The following CSMD1 variants were observed in gnomAD, a reference collection of about 807,000 sequenced individuals.
CSMD1 encodes the protein CUB and sushi domain-containing protein 1.
Under a neutral mutation model 417.5 loss-of-function variants are expected in CSMD1, and 213 were observed. The observed-to-expected ratio is 0.51, with a 90% confidence interval of 0.46 to 0.57. The LOEUF (loss-of-function observed/expected upper bound fraction) is 0.57. Among genes scored for constraint, CSMD1 ranks in the 20% least tolerant of loss-of-function variants. The probability of loss-of-function intolerance (pLI) is 0.00; values close to 1 mark genes in which losing one functional copy is unlikely to be tolerated. For missense variants in CSMD1, 6,923 were observed against 4,529.7 expected (o/e 1.53, Z -15.17); for synonymous variants, 2,862 against 1,736.8 (o/e 1.65, Z -16.11).
At chr8:3,723,019 T>A (rs750993374) in intron 6 of CSMD1, among the ~76,000 whole-genome samples, 1 of 152,202 alleles carries the variant, frequency 6.6e-6, no homozygotes, top group Non-Finnish European at 1.5e-5. Flanking sequence ...AGCTGGGCCC[T>A]CTGAGCTGGG....
At chr8:4,053,908 G>A (rs900123919) in intron 3 of CSMD1, among the ~76,000 whole-genome samples, 6 of 152,068 alleles carry the variant, frequency 3.9e-5, no homozygotes, top group African/African-American at 1.4e-4. Context: ...TAATAATTAA[G>A]GGAAAATAAA....
intron 3 of CSMD1, among the ~76,000 whole-genome samples, chr8:4,077,955 C>CT: frequency 6.6e-6 from 1 of 152,264 alleles, no homozygotes; most frequent in South Asian, 2.1e-4. Flanking sequence ...CATACTCGCC[C>CT]TGCATGTGTG....
At chr8:2,997,544 T>A (rs867745518) in intron 54 of CSMD1, among the ~76,000 whole-genome samples, 9 of 152,160 alleles carry the variant, frequency 5.9e-5, no homozygotes, top group Middle Eastern at 3.4e-3. Flanking sequence ...AGCTCAAACA[T>A]CTAGAAATGC....
intron 1 of CSMD1, among the ~76,000 whole-genome samples, chr8:4,663,571 T>C (rs561284547): frequency 6.6e-6 from 1 of 152,224 alleles, no homozygotes; most frequent in East Asian, 1.9e-4. Flanking sequence ...GAAAAGTGCA[T>C]GACAACTCTC....
intron 5 of CSMD1, among the ~76,000 whole-genome samples, chr8:3,936,457 G>T (rs935089208): frequency 6.6e-6 from 1 of 152,126 alleles, no homozygotes; most frequent in African/African-American, 2.4e-5. Flanking sequence ...ATGCAACTCA[G>T]GATTTTAAGT....
chr8:3,040,853 C>T (rs146881286), intron 50 of CSMD1, among the ~76,000 whole-genome samples: 6 of 152,000 alleles, frequency 3.9e-5, no homozygotes, highest in African/African-American at 1.4e-4. Context: ...AATGTTTTGT[C>T]GAAAATAATC....
At chr8:2,985,174 A>T (rs942276861) in intron 54 of CSMD1, among the ~76,000 whole-genome samples, 18 of 152,204 alleles carry the variant, frequency 1.2e-4, no homozygotes, top group Admixed American at 3.9e-4. Flanking sequence ...AGAAACCTTA[A>T]TTCTGTAAGC....
At chr8:4,148,106 A>G (rs1288045736) in intron 3 of CSMD1, among the ~76,000 whole-genome samples, 1 of 152,118 alleles carries the variant, frequency 6.6e-6, no homozygotes, top group Non-Finnish European at 1.5e-5. Flanking sequence ...CACAGATGGC[A>G]TCTTTGATGC....
At chr8:3,033,509 A>G (rs1036227546) in intron 50 of CSMD1, among the ~76,000 whole-genome samples, 5 of 152,090 alleles carry the variant, frequency 3.3e-5, no homozygotes, top group African/African-American at 7.2e-5. Flanking sequence ...ACAGAAAACC[A>G]AACACCGCGT....
chr8:4,637,853 G>C (rs532661628), intron 1 of CSMD1, among the ~76,000 whole-genome samples: 100 of 151,054 alleles, frequency 6.6e-4, no homozygotes, highest in African/African-American at 2.4e-3. Context: ...TGTATTTTTA[G>C]TAGAGACGGG....
chr8:3,109,981 C>A (rs1467065436), intron 43 of CSMD1, among the ~76,000 whole-genome samples, 177 bp downstream of exon 43: 1 of 152,104 alleles, frequency 6.6e-6, no homozygotes, highest in Admixed American at 6.6e-5. Flanking sequence ...TGTAGCAAAA[C>A]CCACATGTAC....
At chr8:4,522,485 A>G (rs763445719) in intron 2 of CSMD1, among the ~76,000 whole-genome samples, 22 of 152,250 alleles carry the variant, frequency 1.4e-4, no homozygotes, top group Non-Finnish European at 2.4e-4. Flanking sequence ...ATGGCAAGAC[A>G]CAAAATGGAT....
chr8:3,644,383 C>G (rs185963546), intron 7 of CSMD1, among the ~76,000 whole-genome samples: 1 of 152,128 alleles, frequency 6.6e-6, no homozygotes, highest in East Asian at 1.9e-4. Flanking sequence ...GCGAGTGAGA[C>G]CCTGGAGAAG....
At chr8:3,454,912 A>T (rs1035285469) in intron 12 of CSMD1, among the ~76,000 whole-genome samples, 4 of 152,168 alleles carry the variant, frequency 2.6e-5, no homozygotes, top group African/African-American at 9.7e-5. Context: ...AGTGTTTTCC[A>T]ACTTGGTTCC....
intron 3 of CSMD1, among the ~76,000 whole-genome samples, chr8:4,394,739 C>T (rs1323024800): frequency 6.6e-6 from 1 of 152,182 alleles, no homozygotes; most frequent in East Asian, 1.9e-4. Flanking sequence ...GACATTTTCT[C>T]TTTTCCTGAT....
chr8:3,446,495 G>C (rs936371925), intron 12 of CSMD1, among the ~76,000 whole-genome samples: 8 of 152,150 alleles, frequency 5.3e-5, no homozygotes, highest in African/African-American at 1.9e-4. Context: ...TAATTACTGA[G>C]TAGTTCATGG....
chr8:3,006,032 C>T (rs1231150003), intron 52 of CSMD1, among the ~76,000 whole-genome samples: 26 of 152,054 alleles, frequency 1.7e-4, no homozygotes, highest in Admixed American at 1.6e-3. Flanking sequence ...CCCATTGTCT[C>T]AGCCCAAAAT....
chr8:3,601,763 C>T (rs555698949), intron 8 of CSMD1, among the ~76,000 whole-genome samples: 3 of 152,290 alleles, frequency 2.0e-5, no homozygotes, highest in South Asian at 2.1e-4. Flanking sequence ...ATTTGGGGAC[C>T]ATTCTCCCTG....
At chr8:4,581,021 G>A (rs17070660) in intron 2 of CSMD1, among the ~76,000 whole-genome samples, 25,930 of 152,062 alleles carry the variant, frequency 0.17, 2,246 homozygotes, top group East Asian at 0.28. Context: ...ATGTGGTCAT[G>A]GCTAGGTAAA....
Sources: gnomAD v4.1 joint callset for allele counts (sites outside exome capture counted in the v4.1 genomes callset) on GRCh38, gnomAD v4.1.1 for gene constraint, MANE v1.5 for transcripts, NCBI Gene and HGNC (gene_info 2026-07-23, HGNC 2026-07-21) for gene names.